Variants in ADAMTS19 observed in about 807,000 individuals in gnomAD.
ADAMTS19 encodes the protein A disintegrin and metalloproteinase with thrombospondin motifs 19.
In ADAMTS19, 93 loss-of-function variants were observed where a neutral mutation model predicts 153.3. That is an observed-to-expected ratio of 0.61 (90% confidence interval 0.51 to 0.72). The LOEUF is 0.72. ADAMTS19 is among the 30% of genes least tolerant of loss of function. The pLI, the probability that ADAMTS19 is intolerant of heterozygous loss-of-function variation, is 0.00. For missense variants in ADAMTS19, 1,482 were observed against 1,552.1 expected (o/e 0.95, Z 0.76); for synonymous variants, 600 against 556.6 (o/e 1.08, Z -1.10).
intron 6 of ADAMTS19, among the ~76,000 whole-genome samples, chr5:129,532,255 G>A (rs1199434226): frequency 6.6e-6 from 1 of 152,044 alleles, no homozygotes; most frequent in Non-Finnish European, 1.5e-5. Flanking sequence ...CAAAGAACTT[G>A]TATCCAGAAT....
At chr5:129,734,327 T>A (rs1757576725) in intron 21 of ADAMTS19, among the ~76,000 whole-genome samples, 1 of 151,974 alleles carries the variant, frequency 6.6e-6, no homozygotes, top group South Asian at 2.1e-4. Flanking sequence ...AAGTACCTTT[T>A]ACCTGAGAAA....
In ADAMTS19 at chr5:129,461,146, C is replaced by A; in HGVS notation, c.136C>A (p.Pro46Thr). The A allele has an allele frequency of 7.1e-7, 1 of 1,414,422 alleles. No individual in the cohort carries two copies. The allele number at this position is 1,414,422 out of a possible 1,614,324, so 87.6% of individuals were successfully genotyped here. ...PDREEWEVVF[P>T]ALWRREPVDP... ...CCGCGAGGAGTGGGAAGTCGTGTTT[C>A]CTGCGCTCTGGCGCCGGGAGCCGGT... The change falls in exon 2 of 23, where the codon CCT becomes ACT. Residue 46 changes from proline to threonine, a missense_variant. This residue lies in a region of ADAMTS19 where 866 missense variants were observed against 827.7 expected (regional missense o/e 1.05). Coordinates refer to ENST00000274487, the MANE Select transcript of ADAMTS19 (RefSeq NM_133638.6). The surrounding 1 kb of genome is among the most constrained non-coding windows in gnomAD (Gnocchi z 4.6).
chr5:129,629,411 C>A (rs1326963901), intron 10 of ADAMTS19, among the ~76,000 whole-genome samples: 1 of 151,950 alleles, frequency 6.6e-6, no homozygotes, highest in Non-Finnish European at 1.5e-5. Flanking sequence ...TTCACAGCAA[C>A]CTTCAATATG....
chr5:129,727,659 T>C (rs2127212820), intron 21 of ADAMTS19, among the ~76,000 whole-genome samples: 1 of 152,280 alleles, frequency 6.6e-6, no homozygotes, highest in South Asian at 2.1e-4. Flanking sequence ...GTTTGTGAAT[T>C]TATGTGAGCC....
intron 7 of ADAMTS19, among the ~76,000 whole-genome samples, chr5:129,553,666 A>G (rs1471448717): frequency 1.3e-5 from 2 of 152,162 alleles, no homozygotes; most frequent in African/African-American, 4.8e-5. Flanking sequence ...ACTAAAGCCT[A>G]GTTCTCCCTT....
chr5:129,550,069 GATATAC>G (rs1753034483), intron 6 of ADAMTS19, among the ~76,000 whole-genome samples: 1 of 91,680 alleles, frequency 1.1e-5, no homozygotes, highest in South Asian at 3.8e-4. Context: ...TATGTATCTA[GATATAC>G]ATATACATGT....
rs1749600475 is a variant in ADAMTS19 at position 129,460,338 on chromosome 5, G to A, written c.-54G>A. 3 of 1,535,832 alleles carry A rather than the reference G, an allele frequency of 2.0e-6. No homozygotes were observed. The highest frequency in any genetic ancestry group is 1.8e-6 in the Non-Finnish European group (2 of 1,116,338). ...CGGGGAGGCCGCTGCGCCCCGGAGT[G>A]GATCGCGCTGGAGGCGTGCGCCGGG... On this transcript the variant is annotated 5_prime_UTR_variant, in exon 1 of 23. Transcript: ENST00000274487.
At chr5:129,660,482 C>T (rs923357651) in intron 15 of ADAMTS19, among the ~76,000 whole-genome samples, 34 of 151,362 alleles carry the variant, frequency 2.2e-4, no homozygotes, top group Non-Finnish European at 3.8e-4. Context: ...ATTTAGTATG[C>T]CTGGAAACAG....
chr5:129,617,674 G>T (rs1209493756), intron 8 of ADAMTS19, among the ~76,000 whole-genome samples: 1 of 152,008 alleles, frequency 6.6e-6, no homozygotes, highest in Non-Finnish European at 1.5e-5. Context: ...ACAGGACACT[G>T]ATGGGCTGCA....
chr5:129,557,965 A>G (rs1753370650), intron 7 of ADAMTS19, among the ~76,000 whole-genome samples: 5 of 152,256 alleles, frequency 3.3e-5, no homozygotes, highest in African/African-American at 1.2e-4. Flanking sequence ...ACATTTTAAA[A>G]TGTAACTATA....
intron 2 of ADAMTS19, among the ~76,000 whole-genome samples, chr5:129,463,012 G>A (rs546524530): frequency 6.6e-6 from 1 of 152,266 alleles, no homozygotes; most frequent in East Asian, 1.9e-4. Flanking sequence ...TACTCATAAT[G>A]ATGAATATTC....
intron 18 of ADAMTS19, among the ~76,000 whole-genome samples, chr5:129,692,340 G>GA (rs550619634): frequency 2.3e-3 from 331 of 146,830 alleles, no homozygotes; most frequent in South Asian, 7.3e-3. Context: ...TTCTCCATGT[G>GA]AAAAAAAAAA....
rs1282403083 is a variant in ADAMTS19, at chr5:129,648,914, G to A, written c.2120G>A (p.Ser707Asn). The change falls in exon 13 of 23, where the codon AGT (serine) becomes AAT (asparagine). Residue 707 changes from serine (S) to asparagine (N), a missense_variant. This residue lies in a region of ADAMTS19 where 616 missense variants were observed against 724.4 expected (regional missense o/e 0.85). Coordinates refer to ENST00000274487, the MANE Select transcript of ADAMTS19 (RefSeq NM_133638.6). ...AGAGACTGGCAATGTCAGGCTTATA[G>A]TGTTAGAACTTCCTCCCCAAAGCAT... ...GFRDWQCQAY[S>N]VRTSSPKHIL... 1 of 1,613,502 alleles carries A rather than the reference G, an allele frequency of 6.2e-7. No homozygotes were observed. The highest frequency in any genetic ancestry group is 8.5e-7 in the Non-Finnish European group (1 of 1,179,610).
intron 2 of ADAMTS19, among the ~76,000 whole-genome samples, chr5:129,497,602 T>C (rs1028734629): frequency 2.0e-5 from 3 of 152,122 alleles, no homozygotes; most frequent in Non-Finnish European, 4.4e-5. Flanking sequence ...TATATCTCAA[T>C]TACAGGCAGC....
chr5:129,638,510 A>G (rs1752628888), intron 10 of ADAMTS19, among the ~76,000 whole-genome samples: 1 of 151,752 alleles, frequency 6.6e-6, no homozygotes, highest in Non-Finnish European at 1.5e-5. Flanking sequence ...ATTAGAATTC[A>G]GCTTTATTTT....
At chr5:129,728,920 G>C (rs903258686) in intron 21 of ADAMTS19, among the ~76,000 whole-genome samples, 6 of 152,218 alleles carry the variant, frequency 3.9e-5, no homozygotes, top group Admixed American at 2.0e-4. Context: ...GACTATGTTA[G>C]ACAGGACTTC....
rs758073963 is a variant in ADAMTS19 at position 129,647,900 on chromosome 5, A to T, written c.2003+5A>T. ...TCGAGAGCGCAAATGTCCTGGGTAAACTCAAAGTTCCTGGTTGGGGGAGGG... is the reference window on the plus strand; with the variant it reads ...TCGAGAGCGCAAATGTCCTGGGTAATCTCAAAGTTCCTGGTTGGGGGAGGG... On this transcript the variant is annotated splice_donor_5th_base_variant and intron_variant, in intron 12 of 22. Transcript: ENST00000274487. 3.1e-6 allele frequency: 5 copies of T among 1,607,922 alleles called. No individual in the cohort carries two copies. The African/African-American group carries it at 6.7e-5, about 21-fold the overall frequency.
At chr5:129,597,899 T>TC (rs1750457198) in intron 8 of ADAMTS19, among the ~76,000 whole-genome samples, 1 of 50,386 alleles carries the variant, frequency 2.0e-5, no homozygotes, top group Non-Finnish European at 4.7e-5. Flanking sequence ...AGTCTCTATC[T>TC]CAAAAAAAAA....
At position 129,737,176 on chromosome 5, in the gene ADAMTS19, A is replaced by T; in HGVS notation, c.3600A>T (p.Thr1200=). Residue 1200 remains threonine, a synonymous_variant, in exon 23 of 23, where the codon ACA becomes ACT. Coordinates refer to ENST00000274487, the MANE Select transcript of ADAMTS19 (RefSeq NM_133638.6). ...DMRWYQRCCE[T]CRDFYAQKLQ... is the part of the protein sequence containing the mutation. ...GGTGGTATCAGCGCTGCTGTGAAACATGCAGGGACTTCTATGCCCAAAAGC... is the reference window on the plus strand; with the variant it reads ...GGTGGTATCAGCGCTGCTGTGAAACTTGCAGGGACTTCTATGCCCAAAAGC... 2 of 1,609,762 alleles carry T rather than the reference A, an allele frequency of 1.2e-6. No individual in the cohort carries two copies. Among genetic ancestry groups the T allele is most frequent in the Non-Finnish European group, 1.7e-6 (2 of 1,177,194 alleles).
Sources: gnomAD v4.1 joint callset for allele counts (sites outside exome capture counted in the v4.1 genomes callset) on GRCh38, gnomAD v4.1.1 for gene constraint, gnomAD v4.1.1 regional missense constraint, Gnocchi (gnomAD v3.1) non-coding constraint, MANE v1.5 for transcripts, NCBI Gene and HGNC (gene_info 2026-07-23, HGNC 2026-07-21) for gene names.